Variants in PPP1R9B observed in about 807,000 individuals in gnomAD.
PPP1R9B encodes neurabin-2.
A neutral mutation model predicts 75.8 loss-of-function variants in PPP1R9B; 17 were observed. That is an observed-to-expected ratio of 0.22 (90% CI 0.15 to 0.34). The LOEUF (loss-of-function observed/expected upper bound fraction) is 0.34. Ranked by LOEUF, PPP1R9B falls within the 10% of genes least tolerant of loss-of-function variation. The pLI is 1.00. For synonymous variants in PPP1R9B, 509 were observed against 535.4 expected (o/e 0.95, Z 0.68); for missense variants, 875 against 1,196.0 (o/e 0.73, Z 3.96).
intron 1 of PPP1R9B, among the ~76,000 whole-genome samples, chr17:50,147,087 G>T (rs1912535640): frequency 6.6e-6 from 1 of 152,176 alleles, no homozygotes; most frequent in Non-Finnish European, 1.5e-5. Flanking sequence ...CTCACAGCCT[G>T]TCCTGGGCTG....
intron 1 of PPP1R9B, among the ~76,000 whole-genome samples, chr17:50,147,579 C>T (rs760118834): frequency 1.1e-4 from 17 of 152,008 alleles, no homozygotes; most frequent in Admixed American, 3.3e-4. Flanking sequence ...CAGGGTAAGG[C>T]GTCAAATATA....
At chr17:50,144,140 C>G (rs899978425) in intron 2 of PPP1R9B, among the ~76,000 whole-genome samples, 8 of 152,118 alleles carry the variant, frequency 5.3e-5, no homozygotes, top group African/African-American at 1.9e-4. Context: ...TTTCTCTCCC[C>G]TGAGGTCCAT....
Position 50,149,040 on chromosome 17 carries a change from G to A in PPP1R9B, c.1371+103C>T. ...TCTGGGAAGGGGGCTGGGTGGCAGG[G>A]GCTGACTCAGCCTGCCAAACCCGGC... On this transcript the variant is annotated intron_variant, in intron 1 of 9. Coordinates refer to ENST00000612501, the MANE Select transcript of PPP1R9B (RefSeq NM_032595.5). The surrounding 1 kb of genome is among the most constrained non-coding windows in gnomAD (Gnocchi z 7.2). 2 of 830,706 alleles carry A rather than the reference G, an allele frequency of 2.4e-6. No individual in the cohort carries two copies. The highest frequency in any genetic ancestry group is 3.6e-5 in the Admixed American group (1 of 28,054). 51.5% of individuals were successfully genotyped at this position (830,706 alleles called of 1,614,324 possible).
chr17:50,147,027 C>G (rs1328709588), intron 1 of PPP1R9B, among the ~76,000 whole-genome samples: 3 of 152,214 alleles, frequency 2.0e-5, no homozygotes, highest in Non-Finnish European at 4.4e-5. Flanking sequence ...AACGAAACCC[C>G]TCCCTGACAC....
chr17:50,139,194 G>A lies in PPP1R9B; in HGVS notation c.2073+69C>T, dbSNP rs777641929. Reference sequence around the variant, plus strand: ...TAAGTGTCAGCATGTGCAGGTGTGAGGGTAGGGGGACCCTGCTCCTCAACA... The same window carrying A: ...TAAGTGTCAGCATGTGCAGGTGTGAAGGTAGGGGGACCCTGCTCCTCAACA... On this transcript the variant is annotated intron_variant, in intron 7 of 9. Coordinates refer to ENST00000612501, the MANE Select transcript of PPP1R9B (RefSeq NM_032595.5). The surrounding 1 kb of genome is among the most constrained non-coding windows in gnomAD (Gnocchi z 5.0). 7.4e-5 allele frequency: 117 copies of A among 1,573,230 alleles called. No homozygotes were observed. Among genetic ancestry groups the A allele is most frequent in the Non-Finnish European group, 9.6e-5 (110 of 1,143,044 alleles).
Position 50,135,306 on chromosome 17 carries a change from T to C in PPP1R9B, c.*25A>G, listed in dbSNP as rs1912192928. ...AGGACAATGGGAGGGGGGTTAATTA[T>C]TGTCCAGTCATGGAATGATTCCTGT... is the stretch of plus-strand genomic sequence containing the variant. On this transcript the variant is annotated 3_prime_UTR_variant, in exon 10 of 10. Transcript: ENST00000612501. The C allele has an allele frequency of 6.3e-7, 1 of 1,598,712 alleles. No individual in the cohort carries two copies. Among genetic ancestry groups the C allele is most frequent in the East Asian group, 2.2e-5 (1 of 44,776 alleles).
Position 50,149,415 on chromosome 17 carries a change from C to A in PPP1R9B, c.1099G>T (p.Gly367Cys). 2 of 1,611,308 alleles carry A rather than the reference C, an allele frequency of 1.2e-6. No homozygotes were observed. The highest frequency in any genetic ancestry group is 1.7e-6 in the Non-Finnish European group (2 of 1,179,036). ...AAVAPPERGVGNGRAPDVAPE... is the reference protein window; with the variant it reads ...AAVAPPERGVCNGRAPDVAPE... ...GCCACGTCCGGGGCCCGGCCATTGC[C>A]CACCCCCCTCTCTGGCGGCGCTACC... The change falls in exon 1 of 10, where the codon GGC (glycine) becomes TGC (cysteine). Residue 367 changes from glycine to cysteine, a missense_variant. Gly to Cys is a radical substitution (Grantham distance 159). Transcript: ENST00000612501. This position sits in a 1 kb window ranked among gnomAD's most constrained non-coding sequence, Gnocchi z 7.2.
Position 50,135,006 on chromosome 17 carries a change from T to G in PPP1R9B, c.*325A>C. ...CAGTCCAGAGACAAAAGCTGGAGTG[T>G]GTAAAGTCTGGCAGTTTGATCTGCA... On this transcript the variant is annotated 3_prime_UTR_variant, in exon 10 of 10. Coordinates refer to ENST00000612501, the MANE Select transcript of PPP1R9B (RefSeq NM_032595.5). 2 of 381,566 alleles carry G rather than the reference T, an allele frequency of 5.2e-6. No individual in the cohort carries two copies. Among genetic ancestry groups the G allele is most frequent in the Non-Finnish European group, 9.8e-6 (2 of 203,156 alleles). 23.6% of individuals were successfully genotyped at this position (381,566 alleles called of 1,614,324 possible).
intron 5 of PPP1R9B, 36 bp downstream of exon 5, chr17:50,140,057 G>A (rs749210627): frequency 6.2e-7 from 1 of 1,607,944 alleles, no homozygotes; most frequent in East Asian, 2.2e-5. Flanking sequence ...GCCACCAGGG[G>A]GCGACCACGC....
At chr17:50,141,662 C>CAAAAAAAAAAA (rs398058762) in intron 3 of PPP1R9B, among the ~76,000 whole-genome samples, 1 of 85,738 alleles carries the variant, frequency 1.2e-5, no homozygotes, top group East Asian at 3.6e-4. Context: ...GACCCTGCCT[C>CAAAAAAAAAAA]AAAAAAAAAA....
chr17:50,143,152 TCACAC>T (rs1912428667), intron 3 of PPP1R9B, among the ~76,000 whole-genome samples: 1 of 152,170 alleles, frequency 6.6e-6, no homozygotes, highest in South Asian at 2.1e-4. Flanking sequence ...AATGTCTACC[TCACAC>T]CACACTGCAC....
chr17:50,135,079 C>T lies in PPP1R9B; in HGVS notation c.*252G>A. Reference sequence around the variant, plus strand: ...CAGGCCAGCCCTCGGCAGCCCTCGGCCTCTGTGCCTCAGCCCCATGGGGCA... The same window carrying T: ...CAGGCCAGCCCTCGGCAGCCCTCGGTCTCTGTGCCTCAGCCCCATGGGGCA... On this transcript the variant is annotated 3_prime_UTR_variant, in exon 10 of 10. Coordinates refer to ENST00000612501, the MANE Select transcript of PPP1R9B (RefSeq NM_032595.5). 1.8e-6 allele frequency: 1 copy of T among 563,444 alleles called. No homozygotes were observed. The highest frequency in any genetic ancestry group is 3.2e-6 in the Non-Finnish European group (1 of 313,458). The allele number at this position is 563,444 out of a possible 1,614,324, so 34.9% of individuals were successfully genotyped here. A position where few individuals can be genotyped will look rare whatever the true frequency, so the allele number is the denominator to read the frequency against.
At chr17:50,147,292 C>T (rs548227956) in intron 1 of PPP1R9B, among the ~76,000 whole-genome samples, 2 of 152,354 alleles carry the variant, frequency 1.3e-5, no homozygotes, top group South Asian at 4.1e-4. Context: ...GAATTGGGTT[C>T]TCTGCCCTCA....
chr17:50,141,618 G>C (rs1007815009), intron 3 of PPP1R9B, among the ~76,000 whole-genome samples: 2 of 149,568 alleles, frequency 1.3e-5, no homozygotes, highest in Non-Finnish European at 3.0e-5. Flanking sequence ...AGCTGTGTTT[G>C]CGCCACTGCA....
intron 7 of PPP1R9B, among the ~76,000 whole-genome samples, chr17:50,138,708 C>T (rs554095784): frequency 7.9e-5 from 12 of 152,240 alleles, no homozygotes; most frequent in African/African-American, 2.4e-4. Flanking sequence ...ACTGCAGCCT[C>T]GACCTACCCT....
intron 1 of PPP1R9B, among the ~76,000 whole-genome samples, chr17:50,147,354 G>A (rs543201813): frequency 3.2e-4 from 49 of 152,354 alleles, no homozygotes; most frequent in Admixed American, 5.2e-4. Flanking sequence ...CATGGGGACC[G>A]GGACCCTGGA....
Position 50,139,220 on chromosome 17 carries a change from C to A in PPP1R9B, c.2073+43G>T, listed in dbSNP as rs1912305530. The A allele has an allele frequency of 6.2e-7, 1 of 1,612,204 alleles. No homozygotes were observed. The highest frequency in any genetic ancestry group is 8.5e-7 in the Non-Finnish European group (1 of 1,178,208). The stretch of plus-strand genomic sequence containing the variant: ...GGTAGGGGGACCCTGCTCCTCAACA[C>A]ACACATGCACGCACGCAAAAGCACA... On this transcript the variant is annotated intron_variant, in intron 7 of 9. Transcript: ENST00000612501. This position sits in a 1 kb window ranked among gnomAD's most constrained non-coding sequence, Gnocchi z 5.0.
intron 2 of PPP1R9B, 64 bp downstream of exon 2, chr17:50,145,049 G>A: frequency 6.3e-7 from 1 of 1,580,426 alleles, no homozygotes; most frequent in East Asian, 2.3e-5. Context: ...AGGAGCTGGT[G>A]CCAGAGATGA....
Position 50,150,386 on chromosome 17 carries a change from T to A in PPP1R9B, c.128A>T (p.Lys43Met), listed in dbSNP as rs1436334869. The part of the protein sequence containing the change: ...PDAPGPDEAP[K>M]GAHHKKYGSN... ...GCCATATTTCTTGTGGTGGGCCCCC[T>A]TGGGTGCCTCGTCGGGCCCGGGCGC... Residue 43 changes from lysine to methionine, a missense_variant, in exon 1 of 10, where the codon AAG (lysine) becomes ATG (methionine). By Grantham distance (95) the Lys-to-Met change is moderately conservative. This residue lies in a region of PPP1R9B where 145 missense variants were observed against 226.1 expected (regional missense o/e 0.64). Transcript: ENST00000612501. This position sits in a 1 kb window ranked among gnomAD's most constrained non-coding sequence, Gnocchi z 8.7. 2.8e-6 allele frequency: 4 copies of A among 1,405,820 alleles called. No individual in the cohort carries two copies. The highest frequency in any genetic ancestry group is 3.6e-5 in the Admixed American group (1 of 27,700). The allele number at this position is 1,405,820 out of a possible 1,614,324, so 87.1% of individuals were successfully genotyped here.
Sources: gnomAD v4.1 joint callset for allele counts (sites outside exome capture counted in the v4.1 genomes callset) on GRCh38, gnomAD v4.1.1 for gene constraint, gnomAD v4.1.1 regional missense constraint, Gnocchi (gnomAD v3.1) non-coding constraint, MANE v1.5 for transcripts, NCBI Gene and HGNC (gene_info 2026-07-23, HGNC 2026-07-21) for gene names.